Variants in CYTH1 observed in about 807,000 individuals in gnomAD.
The protein encoded by CYTH1 is cytohesin 1, also known as cytohesin-1.
CYTH1 carries 18 observed loss-of-function variants against 61.8 expected under a neutral mutation model. The ratio of observed to expected loss-of-function variants is 0.29; its 90% confidence interval spans 0.20 to 0.43. The LOEUF (loss-of-function observed/expected upper bound fraction) is 0.43, where lower values mean the gene tolerates loss of function less well. Among genes scored for constraint, CYTH1 ranks in the 20% least tolerant of loss-of-function variants. The pLI is 1.00. For missense variants in CYTH1, 336 were observed against 510.5 expected, an observed-to-expected ratio of 0.66 and a Z score of 3.29; for synonymous variants, 174 against 184.3, an observed-to-expected ratio of 0.94 and a Z score of 0.45.
At chr17:78,701,494 C>G (rs1034787312) in intron 6 of CYTH1, among the ~76,000 whole-genome samples, 177 bp downstream of exon 6, 2 of 152,198 alleles carry the variant, frequency 1.3e-5, no homozygotes, top group Admixed American at 1.3e-4. Context: ...TTGAATTCCC[C>G]TTGACCATCC....
At chr17:78,779,695 T>C (rs1377718094) in intron 1 of CYTH1, among the ~76,000 whole-genome samples, 1 of 152,050 alleles carries the variant, frequency 6.6e-6, no homozygotes, top group Admixed American at 6.6e-5. Flanking sequence ...GCTTTGAAGA[T>C]GGAAAGGGGA....
chr17:78,760,470 T>C (rs1259979855), intron 1 of CYTH1, among the ~76,000 whole-genome samples: 3 of 44,650 alleles, frequency 6.7e-5, no homozygotes, highest in Admixed American at 4.8e-4. Flanking sequence ...CATATATATA[T>C]GTATATATAT....
In CYTH1 at chr17:78,709,561, G is replaced by T. The variant is rs572037032; in HGVS notation, c.105+89C>A. On this transcript the variant is annotated intron_variant, in intron 2 of 13. Transcript: ENST00000446868. ...TGAGGGCAGGTCAAAAGTGTCTTGAGGAGACACTCTGCAAAGGACACCCTT... is the reference window on the plus strand; with the variant it reads ...TGAGGGCAGGTCAAAAGTGTCTTGATGAGACACTCTGCAAAGGACACCCTT... The T allele has an allele frequency of 9.5e-5, 130 of 1,361,912 alleles. 2 individuals are homozygous for T. The South Asian group carries it at 1.4e-3, about 14-fold the overall frequency. 84.4% of individuals were successfully genotyped at this position (1,361,912 alleles called of 1,614,324 possible).
chr17:78,686,352 T>G (rs2092816360), intron 11 of CYTH1, among the ~76,000 whole-genome samples: 1 of 152,230 alleles, frequency 6.6e-6, no homozygotes, highest in Admixed American at 6.5e-5. Flanking sequence ...TATATGCTAT[T>G]GCTTGGGTTC....
rs1555618553 is a variant in CYTH1 at position 78,782,253 on chromosome 17, T to TCGCCGCTCGCGTCC, written c.-44_-31dup. 2.1e-5 allele frequency: 26 copies of TCGCCGCTCGCGTCC among 1,266,780 alleles called. No homozygotes were observed. The highest frequency in any genetic ancestry group is 3.2e-5 in the Admixed American group (1 of 30,990). 78.5% of individuals were successfully genotyped at this position (1,266,780 alleles called of 1,614,324 possible). ...CGGGAGCCGGGCTCCGCGCTCCGGC[T>TCGCCGCTCGCGTCC]CGCCGCTCGCGTCCCGCCGCGCCAC... is the stretch of plus-strand genomic sequence containing the variant. On this transcript the variant is annotated 5_prime_UTR_variant, in exon 1 of 14. Coordinates refer to ENST00000446868, the MANE Select transcript of CYTH1 (RefSeq NM_004762.6).
At chr17:78,782,121 C>A in intron 1 of CYTH1, 81 bp downstream of exon 1, 1 of 1,176,502 alleles carries the variant, frequency 8.5e-7, no homozygotes, top group Non-Finnish European at 1.1e-6. Flanking sequence ...CGCCAGCCGC[C>A]GCAAGCGCTG....
chr17:78,723,835 C>T (rs1288798969), intron 1 of CYTH1: 1 of 152,404 alleles, frequency 6.6e-6, no homozygotes, highest in Non-Finnish European at 1.5e-5. Flanking sequence ...ACCCCAAAGG[C>T]ACAAGCCTAG....
At chr17:78,777,567 A>G (rs1043941181) in intron 1 of CYTH1, among the ~76,000 whole-genome samples, 12 of 152,166 alleles carry the variant, frequency 7.9e-5, no homozygotes, top group Non-Finnish European at 7.3e-5. Context: ...TGGTTTTTGA[A>G]ATTGTCTTTA....
At chr17:78,744,038 GGCTACACT>G (rs1379213374) in intron 1 of CYTH1, among the ~76,000 whole-genome samples, 1 of 152,164 alleles carries the variant, frequency 6.6e-6, no homozygotes, top group Non-Finnish European at 1.5e-5. Context: ...TATTTGTGGG[GGCTACACT>G]GAGGAAGAAA....
intron 2 of CYTH1, 31 bp downstream of exon 2, chr17:78,709,619 C>G: frequency 1.9e-6 from 3 of 1,611,378 alleles, no homozygotes; most frequent in Non-Finnish European, 2.5e-6. Flanking sequence ...GTGGTTCTTA[C>G]GTTGGTGAAA....
intron 1 of CYTH1, among the ~76,000 whole-genome samples, chr17:78,726,691 T>C (rs2093268564): frequency 6.6e-6 from 1 of 151,828 alleles, no homozygotes; most frequent in Admixed American, 6.6e-5. Flanking sequence ...CCAGGCAGAC[T>C]GTGGTGCCTT....
Position 78,782,191 on chromosome 17 carries a change from G to C in CYTH1, c.22+11C>G. 1 of 1,367,086 alleles carries C rather than the reference G, an allele frequency of 7.3e-7. No individual in the cohort carries two copies. The highest frequency in any genetic ancestry group is 9.6e-7 in the Non-Finnish European group (1 of 1,045,514). The allele number at this position is 1,367,086 out of a possible 1,614,324, so 84.7% of individuals were successfully genotyped here. ...GCGAGGGGGAAGCGTCCGCCGCCGG[G>C]GCGCACTGACCGTAGCTGTCGTCCT... On this transcript the variant is annotated intron_variant, in intron 1 of 13. Transcript: ENST00000446868.
At chr17:78,719,859 T>G (rs532893970) in intron 1 of CYTH1, among the ~76,000 whole-genome samples, 1 of 152,320 alleles carries the variant, frequency 6.6e-6, no homozygotes, top group African/African-American at 2.4e-5. Context: ...TCTATCTACT[T>G]TGGGAAACCA....
intron 1 of CYTH1, among the ~76,000 whole-genome samples, chr17:78,737,874 TACACAC>T (rs10660165): frequency 1.8e-4 from 27 of 150,068 alleles, no homozygotes; most frequent in Admixed American, 2.7e-4. Context: ...CTTCTATAGA[TACACAC>T]ACACACACAC....
chr17:78,692,499 GA>G lies in CYTH1; in HGVS notation c.815-7del, dbSNP rs751273354. 5.5e-5 allele frequency: 89 copies of G among 1,613,892 alleles called. No homozygotes were observed. The African/African-American group carries it at 1.1e-3, about 20-fold the overall frequency. ...CCAAGTCTTTACCCTGCCACCTGCA[GA>G]GCAAAAAGAGATGCACGTTCGACAA... On this transcript the variant is annotated splice_region_variant and splice_polypyrimidine_tract_variant and intron_variant, in intron 10 of 13. Coordinates refer to ENST00000446868, the MANE Select transcript of CYTH1 (RefSeq NM_004762.6).
chr17:78,731,038 A>G (rs2093291617), intron 1 of CYTH1, among the ~76,000 whole-genome samples: 1 of 152,202 alleles, frequency 6.6e-6, no homozygotes, highest in African/African-American at 2.4e-5. Context: ...ACAGGAAAGC[A>G]GAATTTGACT....
chr17:78,779,268 C>A (rs1050726501), intron 1 of CYTH1, among the ~76,000 whole-genome samples: 1 of 151,820 alleles, frequency 6.6e-6, no homozygotes. Flanking sequence ...GGCGTGGTGG[C>A]GCATGCCTGT....
At chr17:78,739,008 G>A (rs1598898741) in intron 1 of CYTH1, among the ~76,000 whole-genome samples, 1 of 152,178 alleles carries the variant, frequency 6.6e-6, no homozygotes. Flanking sequence ...AGTGGGAAAC[G>A]GTTTCTCGTT....
At chr17:78,676,584 T>A in intron 13 of CYTH1, 1 of 275,564 alleles carries the variant, frequency 3.6e-6, no homozygotes. Flanking sequence ...TGGCACGGGG[T>A]GTGTGATAGC....
Sources: allele counts gnomAD v4.1 joint callset (sites outside exome capture counted in the v4.1 genomes callset), GRCh38; gene constraint gnomAD v4.1.1; transcripts MANE v1.5; gene names NCBI Gene and HGNC (gene_info 2026-07-23, HGNC 2026-07-21).